The following ATRN variants were observed in gnomAD, a reference collection of about 807,000 sequenced individuals.
The protein encoded by ATRN is attractin.
A neutral mutation model predicts 178.7 loss-of-function variants in ATRN; 54 were observed. That is an observed-to-expected ratio of 0.30 (90% CI 0.24 to 0.38). ATRN has a LOEUF of 0.38. Among genes scored for constraint, ATRN ranks in the 10% least tolerant of loss-of-function variants. ATRN has a pLI of 1.00. For synonymous variants in ATRN, 636 were observed against 663.0 expected, an observed-to-expected ratio of 0.96 and a Z score of 0.63; for missense variants, 1,443 against 1,815.1, an observed-to-expected ratio of 0.79 and a Z score of 3.73.
intron 11 of ATRN, among the ~76,000 whole-genome samples, chr20:3,566,904 C>CAAAAAAA (rs33920660): frequency 2.3e-5 from 2 of 86,450 alleles, no homozygotes; most frequent in Non-Finnish European, 4.2e-5. Context: ...GACTCCATCT[C>CAAAAAAA]AAAAAAAAAA....
At chr20:3,541,134 G>T (rs1008485006) in intron 3 of ATRN, among the ~76,000 whole-genome samples, 8 of 148,130 alleles carry the variant, frequency 5.4e-5, no homozygotes, top group Non-Finnish European at 8.9e-5. Flanking sequence ...CTGGAATGCA[G>T]TGGCGCGATC....
chr20:3,540,908 AC>A (rs1248998612), intron 3 of ATRN, among the ~76,000 whole-genome samples: 3 of 152,158 alleles, frequency 2.0e-5, no homozygotes, highest in African/African-American at 4.8e-5. Flanking sequence ...AAGTACATTT[AC>A]ATTAGTAGTT....
chr20:3,564,942 A>G lies in ATRN; in HGVS notation c.1787-406A>G, dbSNP rs1024917648. ...TAGCCAGGCATGGTGGCAGGCGCCT[A>G]TAGGCCCAGCTACTTGGGAGGATGA... On this transcript the variant is annotated intron_variant, in intron 10 of 28. Transcript: ENST00000262919. Among the ~76,000 whole-genome samples, 12 of 152,208 alleles carry G rather than the reference A, an allele frequency of 7.9e-5. No individual in the cohort carries two copies. The East Asian group carries it at 2.3e-3, about 29-fold the overall frequency.
intron 19 of ATRN, among the ~76,000 whole-genome samples, chr20:3,592,900 C>T (rs1163828643): frequency 6.6e-6 from 1 of 152,180 alleles, no homozygotes; most frequent in Non-Finnish European, 1.5e-5. Context: ...AGTAAAAGTT[C>T]TTGCTCAGAT....
chr20:3,476,515 GTC>G (rs1179953330), intron 1 of ATRN, among the ~76,000 whole-genome samples: 1 of 152,218 alleles, frequency 6.6e-6, no homozygotes, highest in Non-Finnish European at 1.5e-5. Flanking sequence ...ATTCACTTCA[GTC>G]TCTCTGGCTG....
At chr20:3,488,748 A>G (rs933078871) in intron 1 of ATRN, among the ~76,000 whole-genome samples, 9 of 152,354 alleles carry the variant, frequency 5.9e-5, no homozygotes, top group Admixed American at 2.6e-4. Flanking sequence ...TTTGACAAGA[A>G]GAATATCTTG....
At chr20:3,502,427 A>C (rs1227962898) in intron 1 of ATRN, among the ~76,000 whole-genome samples, 1 of 152,202 alleles carries the variant, frequency 6.6e-6, no homozygotes, top group Non-Finnish European at 1.5e-5. Context: ...AGAACAACAT[A>C]GTCGTAGAGC....
In ATRN at chr20:3,560,980, T is replaced by C. The variant is rs995853755; in HGVS notation, c.1447+75T>C. On this transcript the variant is annotated intron_variant, in intron 8 of 28. Coordinates refer to ENST00000262919, the MANE Select transcript of ATRN (RefSeq NM_139321.3). Reference sequence around the variant, plus strand: ...CTCTAAGCTTATTATTTTGACTGTTTAGAAAAGTTCAACCTAATCTTGATT... The same window carrying C: ...CTCTAAGCTTATTATTTTGACTGTTCAGAAAAGTTCAACCTAATCTTGATT... 5 of 1,541,528 alleles carry C rather than the reference T, an allele frequency of 3.2e-6. No individual in the cohort carries two copies. In the Admixed American group the frequency reaches 5.3e-5, roughly 16 times the overall value.
intron 1 of ATRN, among the ~76,000 whole-genome samples, chr20:3,509,271 G>A (rs569449532): frequency 1.3e-5 from 2 of 152,066 alleles, no homozygotes; most frequent in Non-Finnish European, 1.5e-5. Context: ...AATATTGAAA[G>A]CAAAAGGATA....
chr20:3,597,716 G>A (rs1457107306), intron 21 of ATRN, among the ~76,000 whole-genome samples, 190 bp from the exon 22 acceptor site: 2 of 152,156 alleles, frequency 1.3e-5, no homozygotes, highest in Admixed American at 6.5e-5. Context: ...TCTTTAAAGC[G>A]GTTTGATGGG....
chr20:3,550,934 C>G (rs2085778188), intron 6 of ATRN, among the ~76,000 whole-genome samples: 1 of 152,226 alleles, frequency 6.6e-6, no homozygotes, highest in Non-Finnish European at 1.5e-5. Flanking sequence ...TAGACTGTGT[C>G]ATTATCAATA....
rs2085980823 is a variant in ATRN, at chr20:3,563,333, T to G, written c.1756T>G (p.Phe586Val). 6.2e-7 allele frequency: 1 copy of G among 1,613,942 alleles called. No individual in the cohort carries two copies. The highest frequency in any genetic ancestry group is 8.5e-7 in the Non-Finnish European group (1 of 1,179,970). ...ATCTATGAGCCATGGCGCCAAATGC[T>G]TCTCTTCAGATTTCATGGCCTATGA... ...DTSMSHGAKC[F>V]SSDFMAYDIA... is the part of the protein sequence containing the mutation. Residue 586 changes from phenylalanine (F) to valine (V), a missense_variant, in exon 10 of 29, where the codon TTC (phenylalanine) becomes GTC (valine). Transcript: ENST00000262919.
chr20:3,606,463 G>T (rs967611617), intron 24 of ATRN, among the ~76,000 whole-genome samples: 1 of 106,440 alleles, frequency 9.4e-6, no homozygotes, highest in Non-Finnish European at 2.5e-5. Flanking sequence ...GGGACTTGTG[G>T]TGCCACATCT....
chr20:3,565,004 G>T (rs1319105523), intron 10 of ATRN, among the ~76,000 whole-genome samples: 3 of 152,114 alleles, frequency 2.0e-5, no homozygotes, highest in Non-Finnish European at 2.9e-5. Context: ...GGAGGAGCTT[G>T]CAGTGAGCTG....
intron 12 of ATRN, among the ~76,000 whole-genome samples, chr20:3,574,720 T>A (rs1052514737): frequency 5.3e-5 from 8 of 152,244 alleles, no homozygotes; most frequent in Non-Finnish European, 1.2e-4. Context: ...TGAATTACCT[T>A]AGGTGTTCAT....
chr20:3,478,921 CTTTTT>C (rs71331052), intron 1 of ATRN, among the ~76,000 whole-genome samples: 1 of 126,004 alleles, frequency 7.9e-6, no homozygotes. Context: ...AATTCATACC[CTTTTT>C]TTTTTTTTTT....
chr20:3,508,475 G>A (rs906570853), intron 1 of ATRN, among the ~76,000 whole-genome samples: 4 of 152,184 alleles, frequency 2.6e-5, no homozygotes, highest in Non-Finnish European at 5.9e-5. Flanking sequence ...GCATGGCTGT[G>A]TTCCAATAAA....
rs570081534 is a variant in ATRN, at chr20:3,547,328, A to G, written c.782A>G (p.Lys261Arg). The G allele has an allele frequency of 6.2e-7, 1 of 1,614,140 alleles. No individual in the cohort carries two copies. The highest frequency in any genetic ancestry group is 1.3e-5 in the African/African-American group (1 of 75,042). Residue 261 changes from lysine to arginine, a missense_variant, in exon 5 of 29, where the codon AAG becomes AGG. Physicochemically the swap from Lys to Arg is conservative, Grantham distance 26. Coordinates refer to ENST00000262919, the MANE Select transcript of ATRN (RefSeq NM_139321.3). ...PNNCSGRGECKISNSSDTVEC... is the reference protein window; with the variant it reads ...PNNCSGRGECRISNSSDTVEC... ...AACTGCTCAGGCCGAGGAGAGTGTA[A>G]GATCAGTAATAGCAGCGATACTGTT... is the stretch of plus-strand genomic sequence containing the variant.
At chr20:3,646,052 G>T (rs1372909363) in intron 28 of ATRN, among the ~76,000 whole-genome samples, 4 of 152,178 alleles carry the variant, frequency 2.6e-5, no homozygotes, top group Non-Finnish European at 5.9e-5. Context: ...AAGACTTTAT[G>T]CATGCCAGGT....
Sources: gnomAD v4.1 joint callset for allele counts (sites outside exome capture counted in the v4.1 genomes callset) on GRCh38, gnomAD v4.1.1 for gene constraint, MANE v1.5 for transcripts, NCBI Gene and HGNC (gene_info 2026-07-23, HGNC 2026-07-21) for gene names.